Variants in RPS24 observed in about 807,000 individuals in gnomAD.
RPS24 encodes small ribosomal subunit protein eS24.
For missense variants in RPS24, 100 were observed against 162.5 expected, an observed-to-expected ratio of 0.62 and a Z score of 2.09; for synonymous variants, 72 against 55.6, an observed-to-expected ratio of 1.30 and a Z score of -1.31.
exon 5 of RPS24, chr10:78,054,990 C>T (rs1848137000): frequency 5.4e-6 from 8 of 1,475,340 alleles, no homozygotes; most frequent in East Asian, 2.5e-5. Flanking sequence ...ACCTTCCTGC[C>T]TCTCTGGTCT....
intron 4 of RPS24, chr10:78,037,790 T>C (rs2131980706): frequency 2.5e-6 from 1 of 398,730 alleles, no homozygotes; most frequent in Non-Finnish European, 4.3e-6. Context: ...ATTTTAGCGA[T>C]AAGCAGCTTT....
chr10:78,034,012 C>G (rs1282642294), intron 1 of RPS24, 108 bp downstream of exon 1: 4 of 1,364,738 alleles, frequency 2.9e-6, no homozygotes, highest in Non-Finnish European at 3.1e-6. Context: ...TTGCTCTTCT[C>G]TGGCCGTTTC....
intron 3 of RPS24, among the ~76,000 whole-genome samples, chr10:78,036,810 T>C (rs1315683597): frequency 6.6e-6 from 1 of 152,102 alleles, no homozygotes; most frequent in African/African-American, 2.4e-5. Flanking sequence ...GGGTTGTAAA[T>C]GCTTGTCTGT....
intron 4 of RPS24, chr10:78,049,014 T>G (rs532794776): frequency 4.6e-5 from 7 of 152,324 alleles, no homozygotes; most frequent in Non-Finnish European, 8.8e-5. Context: ...AGCTCTTCAG[T>G]TCCTTTGGCA....
chr10:78,038,994 G>C lies in RPS24; in HGVS notation c.391-1210G>C, dbSNP rs1847935560. 2.6e-5 allele frequency: 4 copies of C among 152,194 alleles called. 1 individual carries two copies. The South Asian group carries it at 8.3e-4, about 32-fold the overall frequency. The allele number at this position is 152,194 out of a possible 1,614,324, so 9.4% of individuals were successfully genotyped here. ...AGCCTAAAATTGTAATGTGATAAGTGGGGTAGGAGTGGGGTGGGCGTAGTG... is the reference window on the plus strand; with the variant it reads ...AGCCTAAAATTGTAATGTGATAAGTCGGGTAGGAGTGGGGTGGGCGTAGTG... On this transcript the variant is annotated intron_variant, in intron 4 of 5. Coordinates refer to ENST00000372360, the MANE Select transcript of RPS24 (RefSeq NM_033022.4).
chr10:78,045,881 A>G (rs1848038275), intron 4 of RPS24, among the ~76,000 whole-genome samples: 1 of 152,002 alleles, frequency 6.6e-6, no homozygotes, highest in Non-Finnish European at 1.5e-5. Flanking sequence ...GCGTGCCTGT[A>G]ATCTCAATTA....
exon 5 of RPS24, chr10:78,055,329 A>T: frequency 7.3e-6 from 2 of 272,632 alleles, no homozygotes; most frequent in Admixed American, 5.0e-5. Context: ...GTTTATTGGT[A>T]TTTTCCCACT....
At chr10:78,042,056 T>C (rs1332409033), downstream of RPS24, among the ~76,000 whole-genome samples, 2 of 152,240 alleles carry the variant, frequency 1.3e-5, no homozygotes, top group African/African-American at 2.4e-5. Flanking sequence ...GCAGTCTTGC[T>C]GTGAGCCTTG....
rs541582718 is a variant in RPS24 at position 78,040,509 on chromosome 10, A to G, written c.*20-106A>G. ...TAACATCAAAATAACTTGATATTCTAGGTTACTAATAATTGTTGTGCATGA... is the reference window on the plus strand; with the variant it reads ...TAACATCAAAATAACTTGATATTCTGGGTTACTAATAATTGTTGTGCATGA... On this transcript the variant is annotated intron_variant, in intron 5 of 5. Coordinates refer to ENST00000372360, the MANE Select transcript of RPS24 (RefSeq NM_033022.4). The G allele has an allele frequency of 9.4e-6, 8 of 849,314 alleles. No individual in the cohort carries two copies. The East Asian group carries it at 1.9e-4, about 21-fold the overall frequency. The allele number at this position is 849,314 out of a possible 1,614,324, so 52.6% of individuals were successfully genotyped here.
intron 1 of RPS24, 94 bp downstream of exon 1, chr10:78,033,998 C>G: frequency 6.7e-7 from 1 of 1,501,542 alleles, no homozygotes; most frequent in Non-Finnish European, 9.3e-7. Flanking sequence ...CACGCGAAGC[C>G]CGGTTGCTCT....
At chr10:78,053,909 C>G (rs1017721053) in intron 4 of RPS24, among the ~76,000 whole-genome samples, 1 of 152,060 alleles carries the variant, frequency 6.6e-6, no homozygotes, top group Admixed American at 6.6e-5. Flanking sequence ...TACCACGAAC[C>G]AATTTGCAGA....
At chr10:78,045,145 A>G (rs1863899), downstream of RPS24, among the ~76,000 whole-genome samples, 27,914 of 151,666 alleles carry the variant, frequency 0.18, 5,745 homozygotes, top group African/African-American at 0.5. Flanking sequence ...GTGCCACCAT[A>G]CCTGGCTAAT....
chr10:78,040,463 G>T, intron 5 of RPS24, 152 bp from the exon 6 acceptor site: 1 of 735,506 alleles, frequency 1.4e-6, no homozygotes, highest in South Asian at 1.6e-5. Flanking sequence ...TTTATTTCTT[G>T]ATGCTTTCAT....
chr10:78,039,339 G>GT (rs1265270256), intron 4 of RPS24: 2 of 152,178 alleles, frequency 1.3e-5, no homozygotes, highest in Non-Finnish European at 2.9e-5. Flanking sequence ...AGCCCTATGA[G>GT]TTAGTGCCCT....
At chr10:78,050,723 A>G (rs1283756974) in intron 4 of RPS24, among the ~76,000 whole-genome samples, 1 of 152,078 alleles carries the variant, frequency 6.6e-6, no homozygotes, top group Non-Finnish European at 1.5e-5. Flanking sequence ...TAATTCTTCC[A>G]CTTCAGCCTC....
chr10:78,035,925 G>A (rs549293293), intron 3 of RPS24: 1 of 582,900 alleles, frequency 1.7e-6, no homozygotes, highest in Admixed American at 2.8e-5. Flanking sequence ...GTTCAGAAGG[G>A]CAGCTGAAGT....
chr10:78,053,909 C>A (rs1017721053), intron 4 of RPS24, among the ~76,000 whole-genome samples: 2 of 152,060 alleles, frequency 1.3e-5, no homozygotes, highest in Non-Finnish European at 2.9e-5. Flanking sequence ...TACCACGAAC[C>A]AATTTGCAGA....
At chr10:78,056,449 T>C (rs1158455860) in exon 5 of RPS24, 1 of 152,170 alleles carries the variant, frequency 6.6e-6, no homozygotes, top group African/African-American at 2.4e-5. Context: ...ACTCCTTCCA[T>C]AGCAATAGCT....
rs923459374 is a variant in RPS24, at chr10:78,040,301, G to T, written c.*19+76G>T. 6 of 1,217,004 alleles carry T rather than the reference G, an allele frequency of 4.9e-6. No individual in the cohort carries two copies. In the African/African-American group the frequency reaches 9.0e-5, roughly 18 times the overall value. 75.4% of individuals were successfully genotyped at this position (1,217,004 alleles called of 1,614,324 possible). A position where few individuals can be genotyped will look rare whatever the true frequency, so the allele number is the denominator to read the frequency against. ...GTACTGACGTAGCAATTTAAAAGCAGATCATGTGTAGTACATCTAGAAGTA... is the reference window on the plus strand; with the variant it reads ...GTACTGACGTAGCAATTTAAAAGCATATCATGTGTAGTACATCTAGAAGTA... On this transcript the variant is annotated intron_variant, in intron 5 of 5. Coordinates refer to ENST00000372360, the MANE Select transcript of RPS24 (RefSeq NM_033022.4).
Sources: allele counts gnomAD v4.1 joint callset (sites outside exome capture counted in the v4.1 genomes callset), GRCh38; gene constraint gnomAD v4.1.1; transcripts MANE v1.5; gene names NCBI Gene and HGNC (gene_info 2026-07-23, HGNC 2026-07-21).